ELP2: variants seen among roughly 807,000 people sequenced by gnomAD.
ELP2 encodes the protein elongator acetyltransferase complex subunit 2, also known as elongator complex protein 2.
In ELP2, 90 loss-of-function variants were observed where a neutral mutation model predicts 119.2. The ratio of observed to expected loss-of-function variants is 0.75; its 90% CI spans 0.64 to 0.90. ELP2 has a LOEUF of 0.90. Among genes scored for constraint, ELP2 ranks in the 40% least tolerant of loss-of-function variants. The pLI, the probability that ELP2 is intolerant of heterozygous loss-of-function variation, is 0.00. For synonymous variants in ELP2, 339 were observed against 331.0 expected (o/e 1.02, Z -0.26); for missense variants, 921 against 967.8 (o/e 0.95, Z 0.64).
At position 36,156,650 on chromosome 18, in the gene ELP2, G is replaced by C. The variant is rs776466543; in HGVS notation, c.1460G>C (p.Cys487Ser). ...GGACAATCACTGAATCATGTGCTCTGTAATGTGAGTATTTCTCTAAATATT... is the reference window on the plus strand; with the variant it reads ...GGACAATCACTGAATCATGTGCTCTCTAATGTGAGTATTTCTCTAAATATT... ...ITGQSLNHVLCNQDSDLPEGA... is the reference protein window; with the variant it reads ...ITGQSLNHVLSNQDSDLPEGA... The change falls in exon 13 of 22, where the codon TGT becomes TCT. Residue 487 changes from cysteine to serine, a missense_variant. Cys to Ser is a moderately radical substitution (Grantham distance 112). Coordinates refer to ENST00000358232, the MANE Select transcript of ELP2 (RefSeq NM_018255.4). 4 of 1,613,356 alleles carry C rather than the reference G, an allele frequency of 2.5e-6. No homozygotes were observed. The African/African-American group carries it at 4.0e-5, about 16-fold the overall frequency.
chr18:36,134,991 A>G (rs1394671184), intron 2 of ELP2, among the ~76,000 whole-genome samples: 1 of 152,198 alleles, frequency 6.6e-6, no homozygotes, highest in Non-Finnish European at 1.5e-5. Context: ...TAAGCTACTT[A>G]TTTGCTTCTG....
At chr18:36,158,984 A>G in intron 14 of ELP2, 80 bp downstream of exon 14, 1 of 985,852 alleles carries the variant, frequency 1.0e-6, no homozygotes, top group Non-Finnish European at 1.6e-6. Context: ...TGTCTACCTA[A>G]TGTTTGTTAC....
rs1244428652 is a variant in ELP2 at position 36,155,009 on chromosome 18, CTTATT to C, written c.1275+12_1275+16del. 2 of 1,607,114 alleles carry C rather than the reference CTTATT, an allele frequency of 1.2e-6. No individual in the cohort carries two copies. The highest frequency in any genetic ancestry group is 1.7e-5 in the Admixed American group (1 of 59,960). Reference sequence around the variant, plus strand: ...AAAAGACCAATCACAGGTAAAATGTCTTATTTATTTATTTATTTTTTCTTGGGACA... The same window carrying C: ...AAAAGACCAATCACAGGTAAAATGTCTATTTATTTATTTTTTCTTGGGACA... On this transcript the variant is annotated intron_variant, in intron 12 of 21. Coordinates refer to ENST00000358232, the MANE Select transcript of ELP2 (RefSeq NM_018255.4).
chr18:36,157,883 A>T (rs1045634443), intron 13 of ELP2, among the ~76,000 whole-genome samples: 1 of 152,176 alleles, frequency 6.6e-6, no homozygotes, highest in South Asian at 2.1e-4. Context: ...TAGTTTCAGG[A>T]TCTCTTCAGT....
intron 11 of ELP2, among the ~76,000 whole-genome samples, chr18:36,153,426 A>G (rs575848112): frequency 6.6e-5 from 10 of 152,296 alleles, no homozygotes; most frequent in African/African-American, 2.4e-4. Flanking sequence ...TATGTAGGGA[A>G]AACTCTCTCT....
chr18:36,174,606 G>C lies in ELP2; in HGVS notation c.2446G>C (p.Val816Leu), dbSNP rs764647709. 4.8e-5 allele frequency: 78 copies of C among 1,614,012 alleles called. No homozygotes were observed. Among genetic ancestry groups the C allele is most frequent in the Non-Finnish European group, 6.4e-5 (75 of 1,180,016 alleles). The part of the protein sequence containing the change: ...HFASCGEDHT[V>L]KIHRVNKCAL ...TGCAAGCTGTGGTGAAGATCACACT[G>C]TGAAGATACACAGAGTCAATAAATG... The change falls in exon 22 of 22, where the codon GTG (valine) becomes CTG (leucine). Residue 816 changes from valine to leucine, a missense_variant. Coordinates refer to ENST00000358232, the MANE Select transcript of ELP2 (RefSeq NM_018255.4).
At chr18:36,144,057 T>A (rs2094386491) in intron 8 of ELP2, among the ~76,000 whole-genome samples, 1 of 152,262 alleles carries the variant, frequency 6.6e-6, no homozygotes. Flanking sequence ...GATGTGACAG[T>A]TATAAAGGTA....
chr18:36,159,850 A>G lies in ELP2; in HGVS notation c.1630+20A>G, dbSNP rs745987318. The G allele has an allele frequency of 1.2e-6, 2 of 1,610,564 alleles. No individual in the cohort carries two copies. Among genetic ancestry groups the G allele is most frequent in the South Asian group, 1.1e-5 (1 of 90,996 alleles). ...TTACTGGTAAGATGTGACAAAGACAATTTAATAAATCGCTAGAACACACAG... is the reference window on the plus strand; with the variant it reads ...TTACTGGTAAGATGTGACAAAGACAGTTTAATAAATCGCTAGAACACACAG... On this transcript the variant is annotated intron_variant, in intron 15 of 21. Transcript: ENST00000358232.
At chr18:36,142,723 T>C in intron 7 of ELP2, 103 bp from the exon 8 acceptor site, 1 of 787,116 alleles carries the variant, frequency 1.3e-6, no homozygotes, top group East Asian at 2.8e-5. Context: ...TATTGTTTTT[T>C]TTCTGGAAAA....
At chr18:36,154,275 A>T (rs1290176389) in intron 11 of ELP2, among the ~76,000 whole-genome samples, 1 of 152,022 alleles carries the variant, frequency 6.6e-6, no homozygotes, top group Admixed American at 6.6e-5. Flanking sequence ...ATTTGTTTAT[A>T]TGGTTGTTGT....
chr18:36,166,505 T>C (rs1331228923), intron 18 of ELP2, among the ~76,000 whole-genome samples: 2 of 151,648 alleles, frequency 1.3e-5, no homozygotes, highest in African/African-American at 4.8e-5. Context: ...TAATTTTTTG[T>C]ATTTTTAGTA....
chr18:36,139,738 A>G lies in ELP2; in HGVS notation c.523+866A>G, dbSNP rs1171030625. The G allele has an allele frequency of 1.1e-5, 8 of 730,926 alleles. No homozygotes were observed. The East Asian group carries it at 1.1e-4, about 10-fold the overall frequency. 45.3% of individuals were successfully genotyped at this position (730,926 alleles called of 1,614,324 possible). A position where few individuals can be genotyped will look rare whatever the true frequency, so the allele number is the denominator to read the frequency against. On this transcript the variant is annotated intron_variant, in intron 5 of 21. Coordinates refer to ENST00000358232, the MANE Select transcript of ELP2 (RefSeq NM_018255.4). ...CCTTAGAAAAAGTCTCTTATCTAGC[A>G]GAGTCATCAGGGCTGCCCTTTGGTA...
rs199672277 is a variant in ELP2, at chr18:36,146,002, T to C, written c.947T>C (p.Met316Thr). ...TTATCTGCTTCCATGGATAAAACCATGATTCTCTGGGCTCCAGATGAAGAG... is the reference window on the plus strand; with the variant it reads ...TTATCTGCTTCCATGGATAAAACCACGATTCTCTGGGCTCCAGATGAAGAG... ...RLLSASMDKT[M>T]ILWAPDEESG... Residue 316 changes from methionine to threonine, a missense_variant, in exon 10 of 22, where the codon ATG (methionine) becomes ACG (threonine). Met to Thr is a moderately conservative substitution (Grantham distance 81). Coordinates refer to ENST00000358232, the MANE Select transcript of ELP2 (RefSeq NM_018255.4). 3 of 1,613,946 alleles carry C rather than the reference T, an allele frequency of 1.9e-6. No individual in the cohort carries two copies. The highest frequency in any genetic ancestry group is 2.5e-6 in the Non-Finnish European group (3 of 1,179,948).
intron 11 of ELP2, among the ~76,000 whole-genome samples, chr18:36,154,601 T>C (rs1468967522): frequency 2.0e-5 from 3 of 152,200 alleles, no homozygotes; most frequent in Non-Finnish European, 4.4e-5. Flanking sequence ...ATCTGGCTGC[T>C]CAATAAATGA....
In ELP2 at chr18:36,148,954, C is replaced by T. The variant is rs116612416; in HGVS notation, c.1125+2573C>T. On this transcript the variant is annotated intron_variant, in intron 11 of 21. Transcript: ENST00000358232. ...TGTATGAATGTCTCCCAGGCTGAGG[C>T]CACTCAGGTTTGCAGATTTCCTTCA... is the stretch of plus-strand genomic sequence containing the variant. Among the ~76,000 whole-genome samples the T allele has an allele frequency of 6.6e-3, 1,006 of 152,320 alleles. 17 individuals carry two copies. Among genetic ancestry groups the T allele is most frequent in the African/African-American group, 0.023 (953 of 41,578 alleles).
At chr18:36,145,863 A>C in intron 9 of ELP2, 85 bp from the exon 10 acceptor site, 1 of 1,083,212 alleles carries the variant, frequency 9.2e-7, no homozygotes. Flanking sequence ...TCCTTGCAGT[A>C]CCCATGTTGT....
At chr18:36,167,296 G>T (rs1400389978) in intron 19 of ELP2, 74 bp downstream of exon 19, 29 of 1,147,024 alleles carry the variant, frequency 2.5e-5, no homozygotes, top group Non-Finnish European at 3.5e-5. Flanking sequence ...AATAAAAAAT[G>T]CATAATCCTG....
In ELP2 at chr18:36,165,877, A is replaced by G. The variant is rs745562504; in HGVS notation, c.1954+1210A>G. Among the ~76,000 whole-genome samples, 153 of 152,080 alleles carry G rather than the reference A, an allele frequency of 1.0e-3. 2 individuals carry two copies. The highest frequency in any genetic ancestry group is 2.5e-4 in the Non-Finnish European group (17 of 68,028). Reference sequence around the variant, plus strand: ...AGCCTAGGCGACAGAGCAAGACCCCATCTTAACAAAATAAAAAATAAGTTA... The same window carrying G: ...AGCCTAGGCGACAGAGCAAGACCCCGTCTTAACAAAATAAAAAATAAGTTA... On this transcript the variant is annotated intron_variant, in intron 18 of 21. Transcript: ENST00000358232.
chr18:36,166,934 G>A (rs2090925460), intron 18 of ELP2, 167 bp from the exon 19 acceptor site: 4 of 541,472 alleles, frequency 7.4e-6, no homozygotes, highest in Non-Finnish European at 1.2e-5. Flanking sequence ...TGTGTCCACA[G>A]CCTTCTGGTG....
Sources: gnomAD v4.1 joint callset for allele counts (sites outside exome capture counted in the v4.1 genomes callset) on GRCh38, gnomAD v4.1.1 for gene constraint, MANE v1.5 for transcripts, NCBI Gene and HGNC (gene_info 2026-07-23, HGNC 2026-07-21) for gene names.